Variants in CACNG7 observed in about 807,000 individuals in gnomAD.
CACNG7 encodes calcium voltage-gated channel auxiliary subunit gamma 7.
Under a neutral mutation model 26.3 loss-of-function variants are expected in CACNG7, and 9 were observed. The ratio of observed to expected loss-of-function variants is 0.34; its 90% confidence interval spans 0.21 to 0.60. The LOEUF (loss-of-function observed/expected upper bound fraction) is 0.60, where lower values mean the gene tolerates loss of function less well. Among genes scored for constraint, CACNG7 ranks in the 20% least tolerant of loss-of-function variants. CACNG7 has a pLI of 0.81. For synonymous variants in CACNG7, 170 were observed against 157.0 expected (o/e 1.08, Z -0.62); for missense variants, 297 against 380.4 (o/e 0.78, Z 1.82).
chr19:53,931,830 C>G (rs1211694979), intron 4 of CACNG7, among the ~76,000 whole-genome samples: 2 of 137,194 alleles, frequency 1.5e-5, no homozygotes, highest in African/African-American at 2.7e-5. Context: ...GGCACGATCT[C>G]GGCTCACTGC....
At chr19:53,910,073 A>C (rs1206127888) in intron 1 of CACNG7, among the ~76,000 whole-genome samples, 1 of 152,034 alleles carries the variant, frequency 6.6e-6, no homozygotes, top group Non-Finnish European at 1.5e-5. Flanking sequence ...GGCCAGTGAG[A>C]GGGAGGAGGA....
Sources: allele counts gnomAD v4.1 joint callset (sites outside exome capture counted in the v4.1 genomes callset), GRCh38; gene constraint gnomAD v4.1.1; transcripts MANE v1.5; gene names NCBI Gene and HGNC (gene_info 2026-07-23, HGNC 2026-07-21).